SLC9B2: variants seen among roughly 807,000 people sequenced by gnomAD.
SLC9B2 encodes the protein sodium/hydrogen exchanger 9B2.
A neutral mutation model predicts 52.2 loss-of-function variants in SLC9B2; 39 were observed. That is an observed-to-expected ratio of 0.75 (90% CI 0.58 to 0.98). The LOEUF (loss-of-function observed/expected upper bound fraction) is 0.98, where lower values mean the gene tolerates loss of function less well. SLC9B2 is among the 50% of genes least tolerant of loss of function. The pLI is 0.00. For synonymous variants in SLC9B2, 214 were observed against 227.0 expected (o/e 0.94, Z 0.51); for missense variants, 626 against 637.5 (o/e 0.98, Z 0.19).
chr4:103,067,177 A>G (rs1449384064), intron 2 of SLC9B2, among the ~76,000 whole-genome samples: 5 of 152,228 alleles, frequency 3.3e-5, no homozygotes, highest in African/African-American at 1.2e-4. Flanking sequence ...GTTTAGAAAA[A>G]GATAACTATC....
In SLC9B2 at chr4:103,043,338, C is replaced by CA; in HGVS notation, c.1103dup (p.Leu368PhefsTer19). On this transcript the variant is annotated frameshift_variant, in exon 9 of 12. Coordinates refer to ENST00000394785, the MANE Select transcript of SLC9B2 (RefSeq NM_178833.7). Reference sequence around the variant, plus strand: ...CCATGCCTGCAAGGAAAGCCATGACCAACGTGCACAGTCCTCCTGATCCAG... The same window carrying CA: ...CCATGCCTGCAAGGAAAGCCATGACCAAACGTGCACAGTCCTCCTGATCCAG... The CA allele has an allele frequency of 6.2e-7, 1 of 1,612,908 alleles. No individual in the cohort carries two copies.
Position 103,025,528 on chromosome 4 carries a change from C to G in SLC9B2, c.*842G>C, listed in dbSNP as rs963770173. ...AAATAGAATTTTATTTTCTTTTAAG[C>G]ACTGTATTTTTTATTTCTTCATTAT... On this transcript the variant is annotated 3_prime_UTR_variant, in exon 12 of 12. Coordinates refer to ENST00000394785, the MANE Select transcript of SLC9B2 (RefSeq NM_178833.7). The G allele has an allele frequency of 1.3e-5, 2 of 152,078 alleles. No individual in the cohort carries two copies. Among genetic ancestry groups the G allele is most frequent in the Non-Finnish European group, 2.9e-5 (2 of 68,016 alleles). 9.4% of individuals were successfully genotyped at this position (152,078 alleles called of 1,614,324 possible). A position where few individuals can be genotyped will look rare whatever the true frequency, so the allele number is the denominator to read the frequency against.
intron 5 of SLC9B2, 56 bp downstream of exon 5, chr4:103,050,184 T>C (rs1290753071): frequency 1.7e-5 from 24 of 1,450,606 alleles, no homozygotes; most frequent in East Asian, 2.5e-5. Flanking sequence ...GTTAGATACC[T>C]GAAGCATTGA....
intron 3 of SLC9B2, among the ~76,000 whole-genome samples, chr4:103,059,713 T>A (rs1016105191): frequency 6.6e-5 from 10 of 152,124 alleles, no homozygotes; most frequent in African/African-American, 2.4e-4. Flanking sequence ...CCAGGAAAAA[T>A]TATACACAAA....
At chr4:103,037,512 A>G (rs764410113) in intron 9 of SLC9B2, among the ~76,000 whole-genome samples, 6 of 152,240 alleles carry the variant, frequency 3.9e-5, no homozygotes, top group Non-Finnish European at 7.3e-5. Context: ...TGATGTGTTT[A>G]TAGTGGGAAG....
chr4:103,057,910 AG>A lies in SLC9B2; in HGVS notation c.332del (p.Pro111LeufsTer9), dbSNP rs1560555646. The stretch of plus-strand genomic sequence containing the variant: ...TTATAATTCCAAATAGGTTTCCTCC[AG>A]GAAGACATTCACTGCCAGTAATTGA... ...VWSITGSECL[P>X]GGNLFGIIIL... On this transcript the variant is annotated frameshift_variant, in exon 4 of 12. Coordinates refer to ENST00000394785, the MANE Select transcript of SLC9B2 (RefSeq NM_178833.7). The A allele has an allele frequency of 1.9e-6, 3 of 1,614,056 alleles. No homozygotes were observed. Among genetic ancestry groups the A allele is most frequent in the Non-Finnish European group, 2.5e-6 (3 of 1,179,980 alleles).
downstream of SLC9B2, chr4:103,019,813 G>T: frequency 1.0e-6 from 1 of 985,608 alleles, no homozygotes; most frequent in Non-Finnish European, 1.2e-6. Flanking sequence ...GGGGTTTCTG[G>T]GACTGTCTGG....
intron 3 of SLC9B2, among the ~76,000 whole-genome samples, chr4:103,062,864 C>T (rs911305869): frequency 6.6e-6 from 1 of 152,188 alleles, no homozygotes; most frequent in Admixed American, 6.5e-5. Flanking sequence ...CCTGCCTTGG[C>T]CTCCTAAAGT....
chr4:103,065,817 G>A (rs1296624446), intron 3 of SLC9B2: 1 of 152,204 alleles, frequency 6.6e-6, no homozygotes, highest in Non-Finnish European at 1.5e-5. Context: ...ATAGTGCTGA[G>A]ATAAACTCCC....
intron 10 of SLC9B2, among the ~76,000 whole-genome samples, chr4:103,029,567 A>G (rs1742516918): frequency 6.6e-6 from 1 of 152,104 alleles, no homozygotes; most frequent in Non-Finnish European, 1.5e-5. Context: ...ACTGGTCCCA[A>G]TTATCCCTGG....
At chr4:103,027,752 C>G (rs1742353012) in intron 11 of SLC9B2, among the ~76,000 whole-genome samples, 2 of 151,972 alleles carry the variant, frequency 1.3e-5, no homozygotes, top group Admixed American at 1.3e-4. Context: ...GTCCAGAGAC[C>G]TTTTTATAGA....
At chr4:103,057,690 C>T (rs527547231) in intron 4 of SLC9B2, 111 bp downstream of exon 4, 14 of 1,202,710 alleles carry the variant, frequency 1.2e-5, no homozygotes, top group Admixed American at 6.0e-5. Flanking sequence ...CTTTTGGCTC[C>T]AGCATGGCAA....
In SLC9B2 at chr4:103,063,896, A is replaced by C. The variant is rs1745876308; in HGVS notation, c.271+2431T>G. Among the ~76,000 whole-genome samples, 3 of 152,220 alleles carry C rather than the reference A, an allele frequency of 2.0e-5. No homozygotes were observed. In the South Asian group the frequency reaches 6.2e-4, roughly 31 times the overall value. On this transcript the variant is annotated intron_variant, in intron 3 of 11. Coordinates refer to ENST00000394785, the MANE Select transcript of SLC9B2 (RefSeq NM_178833.7). ...AATGGGCAAAGACCTGAATTTTTCA[A>C]AAGAAGACATACAAATGGCCAAACA...
At position 103,050,345 on chromosome 4, in the gene SLC9B2, T is replaced by C. The variant is rs116117708; in HGVS notation, c.480A>G (p.Pro160=). The C allele has an allele frequency of 2.6e-4, 421 of 1,608,642 alleles. 3 individuals carry two copies. In the African/African-American group the frequency reaches 5.2e-3, roughly 20 times the overall value. The part of the protein sequence containing the change: ...LLAGFLIRNI[P]VINDNVQIKH... ...TGATCTGCACATTATCGTTGATGACTGGGATATTTCTGATGAGAAACCCTG... is the reference window on the plus strand; with the variant it reads ...TGATCTGCACATTATCGTTGATGACCGGGATATTTCTGATGAGAAACCCTG... The change falls in exon 5 of 12, where the codon CCA becomes CCG. Residue 160 remains proline, a synonymous_variant. Coordinates refer to ENST00000394785, the MANE Select transcript of SLC9B2 (RefSeq NM_178833.7).
rs1193409208 is a variant in SLC9B2, at chr4:103,026,200, G to C, written c.*170C>G. 2 of 571,014 alleles carry C rather than the reference G, an allele frequency of 3.5e-6. No individual in the cohort carries two copies. Among genetic ancestry groups the C allele is most frequent in the African/African-American group, 1.9e-5 (1 of 53,136 alleles). The allele number at this position is 571,014 out of a possible 1,614,324, so 35.4% of individuals were successfully genotyped here. The stretch of plus-strand genomic sequence containing the variant: ...CAGAGAGATTAAGGTTGGTGATATA[G>C]ATCATTACCACCCACATGGAAAGAG... On this transcript the variant is annotated 3_prime_UTR_variant, in exon 12 of 12. Transcript: ENST00000394785.
At chr4:103,049,120 C>A in intron 5 of SLC9B2, 100 bp from the exon 6 acceptor site, 2 of 1,355,250 alleles carry the variant, frequency 1.5e-6, no homozygotes, top group South Asian at 1.6e-5. Context: ...ACGTCTGGGT[C>A]ATCATGAGTT....
At chr4:103,026,838 A>C (rs1009153291) in intron 11 of SLC9B2, among the ~76,000 whole-genome samples, 1 of 152,160 alleles carries the variant, frequency 6.6e-6, no homozygotes, top group Admixed American at 6.5e-5. Context: ...AAAGTATAAT[A>C]ATAATAAAAT....
chr4:103,075,803 G>T (rs1747074722), intron 1 of SLC9B2, among the ~76,000 whole-genome samples: 2 of 152,156 alleles, frequency 1.3e-5, no homozygotes, highest in African/African-American at 4.8e-5. Context: ...CTGAACACGT[G>T]AATGGACTTG....
In SLC9B2 at chr4:103,076,563, T is replaced by A. The variant is rs1747193264; in HGVS notation, c.-422A>T. Reference sequence around the variant, plus strand: ...CGTGCGATGCCTGGTGCGCGTGGCTTCCCCCGGAAAGGTGGCGCCAGGCCG... The same window carrying A: ...CGTGCGATGCCTGGTGCGCGTGGCTACCCCCGGAAAGGTGGCGCCAGGCCG... On this transcript the variant is annotated 5_prime_UTR_variant, in exon 1 of 12. The change creates a premature stop within an existing upstream ORF in the 5' untranslated region. Coordinates refer to ENST00000394785, the MANE Select transcript of SLC9B2 (RefSeq NM_178833.7). The A allele has an allele frequency of 6.6e-6, 1 of 152,104 alleles. No homozygotes were observed. The highest frequency in any genetic ancestry group is 1.5e-5 in the Non-Finnish European group (1 of 68,032). The allele number at this position is 152,104 out of a possible 1,614,324, so 9.4% of individuals were successfully genotyped here.
Sources: gnomAD v4.1 joint callset for allele counts (sites outside exome capture counted in the v4.1 genomes callset) on GRCh38, gnomAD v4.1.1 for gene constraint, MANE v1.5 for transcripts, NCBI Gene and HGNC (gene_info 2026-07-23, HGNC 2026-07-21) for gene names.